NOSTRIN: variants seen among roughly 807,000 people sequenced by gnomAD.
NOSTRIN encodes BM247 homolog.
NOSTRIN carries 63 observed loss-of-function variants against 59.0 expected under a neutral mutation model. That is an observed-to-expected ratio of 1.07 (90% confidence interval 0.87 to 1.32). The LOEUF is 1.32. NOSTRIN is among the 40% of genes most tolerant of loss of function. The probability of loss-of-function intolerance (pLI) is 0.00; values close to 1 mark genes in which losing one functional copy is unlikely to be tolerated. For missense variants in NOSTRIN, 512 were observed against 473.1 expected, an observed-to-expected ratio of 1.08 and a Z score of -0.76; for synonymous variants, 200 against 165.4, an observed-to-expected ratio of 1.21 and a Z score of -1.61.
chr2:168,836,792 C>A (rs907428329), intron 7 of NOSTRIN, among the ~76,000 whole-genome samples: 44 of 152,300 alleles, frequency 2.9e-4, no homozygotes, highest in African/African-American at 1.1e-3. Context: ...TAATCTCATC[C>A]CATTCTGCCT....
At chr2:168,808,634 T>G (rs1574260697) in intron 1 of NOSTRIN, among the ~76,000 whole-genome samples, 1 of 152,186 alleles carries the variant, frequency 6.6e-6, no homozygotes, top group East Asian at 1.9e-4. Flanking sequence ...GTGAGATATT[T>G]CTAAATAAAT....
In NOSTRIN at chr2:168,849,028, G is replaced by A. The variant is rs572994025; in HGVS notation, c.631-2056G>A. 2.0e-5 allele frequency among the ~76,000 whole-genome samples: 3 copies of A among 152,124 alleles called. 1 individual carries two copies. The highest frequency in any genetic ancestry group is 7.2e-5 in the African/African-American group (3 of 41,496). On this transcript the variant is annotated intron_variant, in intron 8 of 15. Coordinates refer to ENST00000317647, the MANE Select transcript of NOSTRIN (RefSeq NM_001039724.4). ...TACCATAGATGAATTAACAACACAGGGATATAGAGGAATACCATACTGAAT... is the reference window on the plus strand; with the variant it reads ...TACCATAGATGAATTAACAACACAGAGATATAGAGGAATACCATACTGAAT...
intron 11 of NOSTRIN, 159 bp from the exon 12 acceptor site, chr2:168,856,531 C>T (rs1031979970): frequency 6.5e-6 from 4 of 613,960 alleles, no homozygotes; most frequent in Non-Finnish European, 1.2e-5. Flanking sequence ...GCCGAGATCG[C>T]GCCACTGCAC....
chr2:168,798,621 G>A (rs527758063), upstream of NOSTRIN, among the ~76,000 whole-genome samples: 2 of 152,308 alleles, frequency 1.3e-5, no homozygotes, highest in South Asian at 2.1e-4. Flanking sequence ...GATTAGGATA[G>A]GAGAGGTCAG....
chr2:168,854,374 C>G (rs1688952309), intron 10 of NOSTRIN, among the ~76,000 whole-genome samples: 1 of 152,148 alleles, frequency 6.6e-6, no homozygotes, highest in African/African-American at 2.4e-5. Context: ...CCCCTCCCAC[C>G]TTGAGTCATT....
intron 2 of NOSTRIN, among the ~76,000 whole-genome samples, chr2:168,790,511 A>G (rs1452450580): frequency 6.6e-6 from 1 of 152,220 alleles, no homozygotes; most frequent in Non-Finnish European, 1.5e-5. Flanking sequence ...CACTTCTGTG[A>G]TTTTCCTGCC....
In NOSTRIN at chr2:168,861,102, T is replaced by G. The variant is rs528208929; in HGVS notation, c.1294+193T>G. Among the ~76,000 whole-genome samples, 10 of 152,334 alleles carry G rather than the reference T, an allele frequency of 6.6e-5. No individual in the cohort carries two copies. In the East Asian group the frequency reaches 1.3e-3, roughly 21 times the overall value. Reference sequence around the variant, plus strand: ...GAAAAAGTTAAGAAGAGTAGAGGGTTGGGAAAGTATCCTATGAGAAGTTGC... The same window carrying G: ...GAAAAAGTTAAGAAGAGTAGAGGGTGGGGAAAGTATCCTATGAGAAGTTGC... On this transcript the variant is annotated intron_variant, in intron 14 of 15. Coordinates refer to ENST00000317647, the MANE Select transcript of NOSTRIN (RefSeq NM_001039724.4).
intron 12 of NOSTRIN, among the ~76,000 whole-genome samples, chr2:168,857,894 GT>G (rs997104660): frequency 2.6e-5 from 4 of 152,294 alleles, no homozygotes; most frequent in Admixed American, 6.5e-5. Flanking sequence ...CGCTGACCTA[GT>G]TTTTAGATAG....
intron 1 of NOSTRIN, among the ~76,000 whole-genome samples, chr2:168,809,242 A>C (rs937789074): frequency 4.6e-5 from 7 of 152,142 alleles, no homozygotes; most frequent in African/African-American, 1.7e-4. Context: ...TGTGATCTTA[A>C]TGCATTATGT....
chr2:168,847,852 C>G (rs1161677736), intron 8 of NOSTRIN, among the ~76,000 whole-genome samples: 1 of 152,128 alleles, frequency 6.6e-6, no homozygotes, highest in East Asian at 1.9e-4. Flanking sequence ...AATTTATTTC[C>G]TCCTCTTCTT....
At chr2:168,799,704 C>T (rs138754477), upstream of NOSTRIN, among the ~76,000 whole-genome samples, 436 of 152,290 alleles carry the variant, frequency 2.9e-3, 5 homozygotes, top group Admixed American at 0.023. Flanking sequence ...CTCTTCCTAA[C>T]GCCAGTCTGC....
intron 15 of NOSTRIN, chr2:168,863,523 T>C (rs1370615405): frequency 1.0e-6 from 1 of 985,268 alleles, no homozygotes; most frequent in Non-Finnish European, 1.2e-6. Flanking sequence ...AGAGCCATGT[T>C]TCTTGTCCAA....
intron 7 of NOSTRIN, among the ~76,000 whole-genome samples, chr2:168,841,073 T>C (rs1215939901): frequency 1.3e-5 from 2 of 151,262 alleles, no homozygotes; most frequent in African/African-American, 4.9e-5. Context: ...GGCAACATGG[T>C]GAAACCCCAC....
At chr2:168,864,506 GA>G (rs34573857) in intron 15 of NOSTRIN, among the ~76,000 whole-genome samples, 124,088 of 152,070 alleles carry the variant, frequency 0.82, 50,681 homozygotes, top group East Asian at 0.9. Context: ...GGCTGGTCTC[GA>G]AACTCCTGAC....
At chr2:168,852,186 T>A (rs1328841140) in intron 10 of NOSTRIN, among the ~76,000 whole-genome samples, 4 of 152,172 alleles carry the variant, frequency 2.6e-5, no homozygotes, top group East Asian at 3.9e-4. Context: ...CAAAGGTGGG[T>A]GTGAGGGAAG....
intron 1 of NOSTRIN, chr2:168,787,820 T>C (rs1685244530): frequency 6.6e-6 from 1 of 152,186 alleles, no homozygotes; most frequent in Non-Finnish European, 1.5e-5. Context: ...AGACTGAAAC[T>C]GGAGGCTGTT....
intron 2 of NOSTRIN, among the ~76,000 whole-genome samples, chr2:168,818,958 T>C (rs1686569791): frequency 6.6e-6 from 1 of 152,124 alleles, no homozygotes; most frequent in African/African-American, 2.4e-5. Context: ...TCAAAATATA[T>C]ATGCATCACC....
At chr2:168,838,667 G>T (rs1687879850) in intron 7 of NOSTRIN, among the ~76,000 whole-genome samples, 1 of 151,942 alleles carries the variant, frequency 6.6e-6, no homozygotes, top group Non-Finnish European at 1.5e-5. Flanking sequence ...AGTGTTGCCT[G>T]TTCCTATCTA....
intron 3 of NOSTRIN, among the ~76,000 whole-genome samples, chr2:168,826,189 C>T (rs902284324): frequency 6.7e-6 from 1 of 150,142 alleles, no homozygotes; most frequent in Non-Finnish European, 1.5e-5. Flanking sequence ...ATGTCCATTA[C>T]GTTTTTGATT....
Sources: gnomAD v4.1 joint callset for allele counts (sites outside exome capture counted in the v4.1 genomes callset) on GRCh38, gnomAD v4.1.1 for gene constraint, MANE v1.5 for transcripts, NCBI Gene and HGNC (gene_info 2026-07-23, HGNC 2026-07-21) for gene names.